The following WDR72 variants were observed in gnomAD, a reference collection of about 807,000 sequenced individuals.
WDR72 encodes WD repeat domain 72.
In WDR72, 120 loss-of-function variants were observed where a neutral mutation model predicts 124.2. The observed-to-expected ratio is 0.97, with a 90% CI of 0.83 to 1.12. The LOEUF (loss-of-function observed/expected upper bound fraction) is 1.12, where lower values mean the gene tolerates loss of function less well. Among genes scored for constraint, WDR72 ranks in the 50% most tolerant of loss-of-function variants. The pLI is 0.00. For missense variants in WDR72, 1,387 were observed against 1,278.8 expected (o/e 1.08, Z -1.29); for synonymous variants, 452 against 441.7 (o/e 1.02, Z -0.29).
At chr15:53,567,445 A>C (rs1379020612) in intron 18 of WDR72, among the ~76,000 whole-genome samples, 1 of 151,986 alleles carries the variant, frequency 6.6e-6, no homozygotes, top group Admixed American at 6.6e-5. Flanking sequence ...AAGCCCAAAA[A>C]ACAAACAAAC....
chr15:53,722,662 T>G, intron 3 of WDR72, 140 bp downstream of exon 3: 1 of 740,462 alleles, frequency 1.4e-6, no homozygotes, highest in Admixed American at 2.1e-5. Flanking sequence ...TATTCAAACT[T>G]TCTATATCTA....
At chr15:53,740,445 C>T (rs975289623) in intron 1 of WDR72, among the ~76,000 whole-genome samples, 12 of 151,894 alleles carry the variant, frequency 7.9e-5, no homozygotes, top group African/African-American at 2.9e-4. Flanking sequence ...ATAGCTGGGA[C>T]TACAGGCGCC....
At chr15:53,735,713 T>G (rs1415855883) in intron 1 of WDR72, among the ~76,000 whole-genome samples, 1 of 151,858 alleles carries the variant, frequency 6.6e-6, no homozygotes, top group Non-Finnish European at 1.5e-5. Flanking sequence ...CAATAAAAAA[T>G]TATAAAACAT....
chr15:53,529,043 G>A, intron 18 of WDR72, among the ~76,000 whole-genome samples: 1 of 151,052 alleles, frequency 6.6e-6, no homozygotes, highest in East Asian at 1.9e-4. Context: ...AATCAAAAAT[G>A]TCCAAAAACT....
At chr15:53,704,627 G>A (rs1015075981) in intron 11 of WDR72, among the ~76,000 whole-genome samples, 9 of 150,210 alleles carry the variant, frequency 6.0e-5, no homozygotes, top group Non-Finnish European at 7.4e-5. Context: ...CCAGGTTCAC[G>A]CCATTCTCCT....
At chr15:53,627,748 G>GA (rs11321527) in intron 14 of WDR72, among the ~76,000 whole-genome samples, 2 of 151,320 alleles carry the variant, frequency 1.3e-5, no homozygotes, top group South Asian at 2.1e-4. Flanking sequence ...CATTTAATTA[G>GA]AAAAAAAACA....
intron 6 of WDR72, among the ~76,000 whole-genome samples, chr15:53,713,804 C>A (rs997163635): frequency 6.6e-6 from 1 of 152,130 alleles, no homozygotes; most frequent in African/African-American, 2.4e-5. Context: ...AAAGTGCCAA[C>A]ACACAGCACA....
intron 11 of WDR72, 31 bp from the exon 12 acceptor site, chr15:53,702,385 G>A: frequency 1.3e-6 from 2 of 1,529,554 alleles, no homozygotes; most frequent in Non-Finnish European, 1.8e-6. Context: ...AAATAATACA[G>A]ATGTTATTTT....
chr15:53,746,077 G>A (rs2018637355), intron 1 of WDR72, among the ~76,000 whole-genome samples: 1 of 152,114 alleles, frequency 6.6e-6, no homozygotes, highest in Non-Finnish European at 1.5e-5. Context: ...GGCCTTCATT[G>A]CCTTTAAAAG....
Position 53,716,594 on chromosome 15 carries a change from T to G in WDR72, c.339+13A>C. ...GAATCTAGAAATGCCCTGAAGGAAG[T>G]GAGTGTACTTACACAGATTGCAGTG... is the stretch of plus-strand genomic sequence containing the variant. On this transcript the variant is annotated intron_variant, in intron 4 of 19. Transcript: ENST00000360509. 10 of 1,557,644 alleles carry G rather than the reference T, an allele frequency of 6.4e-6. No homozygotes were observed. Among genetic ancestry groups the G allele is most frequent in the Non-Finnish European group, 8.9e-6 (10 of 1,128,338 alleles).
chr15:53,559,102 G>A (rs1374283732), intron 18 of WDR72, among the ~76,000 whole-genome samples: 1 of 151,708 alleles, frequency 6.6e-6, no homozygotes, highest in Non-Finnish European at 1.5e-5. Flanking sequence ...CAACGCCAAC[G>A]TTAAATGGTT....
intron 18 of WDR72, among the ~76,000 whole-genome samples, chr15:53,555,658 T>C (rs2140286248): frequency 6.6e-6 from 1 of 152,226 alleles, no homozygotes; most frequent in Non-Finnish European, 1.5e-5. Flanking sequence ...TATTTCACCC[T>C]ATCACCCATA....
At chr15:53,664,491 G>A in intron 14 of WDR72, among the ~76,000 whole-genome samples, 1 of 151,568 alleles carries the variant, frequency 6.6e-6, no homozygotes, top group East Asian at 1.9e-4. Context: ...TGGCCCATTG[G>A]CCTTTCTTGA....
In WDR72 at chr15:53,663,712, C is replaced by G. The variant is rs553533004; in HGVS notation, c.1962+1860G>C. On this transcript the variant is annotated intron_variant, in intron 14 of 19. Coordinates refer to ENST00000360509, the MANE Select transcript of WDR72 (RefSeq NM_182758.4). ...GACATATAATTTCCACTATAAGATGCTAACTCTGTTATGAATAGTGAGCAA... is the reference window on the plus strand; with the variant it reads ...GACATATAATTTCCACTATAAGATGGTAACTCTGTTATGAATAGTGAGCAA... Among the ~76,000 whole-genome samples, 278 of 152,166 alleles carry G rather than the reference C, an allele frequency of 1.8e-3. 3 individuals carry two copies. The highest frequency in any genetic ancestry group is 2.4e-4 in the Non-Finnish European group (16 of 68,010).
At position 53,616,199 on chromosome 15, in the gene WDR72, A is replaced by G. The variant is rs1424425269; in HGVS notation, c.2007T>C (p.Pro669=). The change falls in exon 15 of 20, where the codon CCT becomes CCC. Residue 669 remains proline, a synonymous_variant. Coordinates refer to ENST00000360509, the MANE Select transcript of WDR72 (RefSeq NM_182758.4). ...CAACGTTACTCCATTTTGTCTTCAC[A>G]GGCAAGACATTAAAAGGTCTTGGGC... The part of the protein sequence containing the change: ...KFCPRPFNVL[P]VKTKWSNVGF... 5 of 1,605,174 alleles carry G rather than the reference A, an allele frequency of 3.1e-6. No individual in the cohort carries two copies. Among genetic ancestry groups the G allele is most frequent in the Middle Eastern group, 1.7e-4 (1 of 6,030 alleles).
intron 18 of WDR72, among the ~76,000 whole-genome samples, chr15:53,590,935 A>G (rs1364393800): frequency 6.6e-6 from 1 of 152,050 alleles, no homozygotes; most frequent in South Asian, 2.1e-4. Flanking sequence ...CTAGTGTTCT[A>G]AAGAGAAGAA....
At chr15:53,565,378 C>T (rs1298568830) in intron 18 of WDR72, among the ~76,000 whole-genome samples, 1 of 151,888 alleles carries the variant, frequency 6.6e-6, no homozygotes. Flanking sequence ...AGTTTTCCTT[C>T]TGTCCTCTCC....
At chr15:53,608,520 T>G (rs915166525) in intron 17 of WDR72, among the ~76,000 whole-genome samples, 1 of 152,108 alleles carries the variant, frequency 6.6e-6, no homozygotes, top group African/African-American at 2.4e-5. Flanking sequence ...TTTGGAAGGC[T>G]GAGGTGGGAG....
intron 2 of WDR72, among the ~76,000 whole-genome samples, chr15:53,730,457 T>C (rs929487630): frequency 1.3e-5 from 2 of 152,150 alleles, no homozygotes; most frequent in African/African-American, 4.8e-5. Context: ...AATGAAAGCG[T>C]AAATAAGTGT....
Sources: allele counts gnomAD v4.1 joint callset (sites outside exome capture counted in the v4.1 genomes callset), GRCh38; gene constraint gnomAD v4.1.1; transcripts MANE v1.5; gene names NCBI Gene and HGNC (gene_info 2026-07-23, HGNC 2026-07-21).